Variants in FBXO25 observed in about 807,000 individuals in gnomAD.
FBXO25 encodes F-box protein 25.
A neutral mutation model predicts 51.9 loss-of-function variants in FBXO25; 45 were observed. The observed-to-expected ratio is 0.87, with a 90% CI of 0.68 to 1.11. The LOEUF (loss-of-function observed/expected upper bound fraction) is 1.11, where lower values mean the gene tolerates loss of function less well. Ranked by LOEUF, FBXO25 falls within the 50% of genes most tolerant of loss-of-function variation. The pLI is 0.00. For synonymous variants in FBXO25, 199 were observed against 151.0 expected (o/e 1.32, Z -2.33); for missense variants, 507 against 428.5 (o/e 1.18, Z -1.62).
At chr8:419,602 T>C (rs973743187) in intron 2 of FBXO25, among the ~76,000 whole-genome samples, 4 of 152,106 alleles carry the variant, frequency 2.6e-5, no homozygotes, top group African/African-American at 9.7e-5. Flanking sequence ...GAAAACTAGA[T>C]GTGTATATGC....
chr8:422,406 C>G (rs573707947), intron 2 of FBXO25, among the ~76,000 whole-genome samples: 7 of 152,336 alleles, frequency 4.6e-5, no homozygotes, highest in Non-Finnish European at 7.3e-5. Flanking sequence ...TGAGAGGAGA[C>G]TACAAACTCT....
chr8:429,859 A>G (rs1797711871), intron 2 of FBXO25, among the ~76,000 whole-genome samples: 1 of 152,214 alleles, frequency 6.6e-6, no homozygotes, highest in Non-Finnish European at 1.5e-5. Context: ...TGTGGAATCC[A>G]CAGTGTGGGT....
At chr8:407,642 T>G (rs1324341345) in intron 1 of FBXO25, among the ~76,000 whole-genome samples, 1 of 152,098 alleles carries the variant, frequency 6.6e-6, no homozygotes, top group Non-Finnish European at 1.5e-5. Context: ...TGCCGGCGTT[T>G]GCCCTCCGGG....
intron 2 of FBXO25, among the ~76,000 whole-genome samples, chr8:429,858 C>G (rs1797711576): frequency 6.6e-6 from 1 of 152,228 alleles, no homozygotes; most frequent in Admixed American, 6.5e-5. Context: ...CTGTGGAATC[C>G]ACAGTGTGGG....
chr8:421,878 T>G (rs35838772), intron 2 of FBXO25, among the ~76,000 whole-genome samples: 1 of 151,940 alleles, frequency 6.6e-6, no homozygotes, highest in African/African-American at 2.4e-5. Context: ...TGGAGCAGTT[T>G]GAGCCACAGG....
intron 4 of FBXO25, among the ~76,000 whole-genome samples, chr8:434,630 A>C (rs1797996489): frequency 6.6e-6 from 1 of 152,090 alleles, no homozygotes; most frequent in African/African-American, 2.4e-5. Context: ...ATCTCAAGTC[A>C]CCTGTTTGGA....
chr8:442,375 G>T (rs577018826), intron 5 of FBXO25, among the ~76,000 whole-genome samples: 1 of 151,804 alleles, frequency 6.6e-6, no homozygotes, highest in African/African-American at 2.4e-5. Context: ...TTACATTTTT[G>T]CTGATAGTTG....
At chr8:450,913 C>T (rs145276716) in intron 6 of FBXO25, 1 of 205,874 alleles carries the variant, frequency 4.9e-6, no homozygotes, top group African/African-American at 2.4e-5. Flanking sequence ...ACACTGAGTC[C>T]CCATTCCTCC....
At chr8:466,016 T>G (rs1321633148) in intron 9 of FBXO25, among the ~76,000 whole-genome samples, 1 of 152,158 alleles carries the variant, frequency 6.6e-6, no homozygotes, top group African/African-American at 2.4e-5. Flanking sequence ...TTCTGGGAGG[T>G]TCATGTCTTG....
At chr8:442,348 A>T (rs1798477726) in intron 5 of FBXO25, among the ~76,000 whole-genome samples, 1 of 152,242 alleles carries the variant, frequency 6.6e-6, no homozygotes, top group East Asian at 1.9e-4. Flanking sequence ...AGGAACTATT[A>T]AGATACTCTA....
At chr8:463,725 C>T (rs150354422) in intron 9 of FBXO25, among the ~76,000 whole-genome samples, 35 of 152,360 alleles carry the variant, frequency 2.3e-4, no homozygotes, top group Admixed American at 1.6e-3. Flanking sequence ...CTCATCCCTT[C>T]ATCCAGTTAC....
In FBXO25 at chr8:474,618, C is replaced by T. The variant is rs546913759; in HGVS notation, c.*5814C>T. 1.5e-5 allele frequency: 6 copies of T among 408,344 alleles called. No homozygotes were observed. Among genetic ancestry groups the T allele is most frequent in the African/African-American group, 1.0e-4 (5 of 47,842 alleles). 25.3% of individuals were successfully genotyped at this position (408,344 alleles called of 1,614,324 possible). A position where few individuals can be genotyped will look rare whatever the true frequency, so the allele number is the denominator to read the frequency against. On this transcript the variant is annotated 3_prime_UTR_variant, in exon 10 of 10. Transcript: ENST00000350302. ...CTGCTGAGATTTTGATTTGCATTTC[C>T]GTAATGACTGGTGATGCTGAGTATC...
rs1238409499 is a variant in FBXO25, at chr8:472,303, CTT to C, written c.*3500_*3501del. The C allele has an allele frequency of 6.6e-6, 1 of 152,184 alleles. No individual in the cohort carries two copies. Among genetic ancestry groups the C allele is most frequent in the Non-Finnish European group, 1.5e-5 (1 of 68,032 alleles). 9.4% of individuals were successfully genotyped at this position (152,184 alleles called of 1,614,324 possible). A position where few individuals can be genotyped will look rare whatever the true frequency, so the allele number is the denominator to read the frequency against. The stretch of plus-strand genomic sequence containing the variant: ...TTTGTCAAATGCTTTTTCTGCATCT[CTT>C]AAGATAATGTAGTTTTTGGCCTTCA... On this transcript the variant is annotated 3_prime_UTR_variant, in exon 10 of 10. Coordinates refer to ENST00000350302, the MANE Select transcript of FBXO25 (RefSeq NM_183420.2).
chr8:419,791 GA>G (rs149435364), intron 2 of FBXO25, among the ~76,000 whole-genome samples: 8,823 of 151,668 alleles, frequency 0.058, 281 homozygotes, highest in Middle Eastern at 0.075. Flanking sequence ...TTCCATAAAA[GA>G]AAAAAAATCT....
At chr8:451,088 A>G (rs1485350693) in intron 6 of FBXO25, 181 bp from the exon 7 acceptor site, 2 of 553,672 alleles carry the variant, frequency 3.6e-6, no homozygotes, top group African/African-American at 1.9e-5. Context: ...GGGTTCATCC[A>G]TGCTGAATAT....
intron 5 of FBXO25, among the ~76,000 whole-genome samples, chr8:441,020 C>G (rs543377121): frequency 6.8e-6 from 1 of 148,020 alleles, no homozygotes; most frequent in African/African-American, 2.5e-5. Context: ...CAAGTCTTTG[C>G]TATTGTGAAC....
intron 2 of FBXO25, among the ~76,000 whole-genome samples, chr8:427,492 A>G (rs935673224): frequency 4.6e-5 from 7 of 151,502 alleles, no homozygotes; most frequent in Non-Finnish European, 7.4e-5. Flanking sequence ...TCAATATCAA[A>G]CTGAAGTAAC....
At chr8:462,962 G>A (rs759990840) in intron 8 of FBXO25, 45 bp from the exon 9 acceptor site, 1 of 1,569,518 alleles carries the variant, frequency 6.4e-7, no homozygotes, top group Non-Finnish European at 8.6e-7. Flanking sequence ...ATTATGTTTT[G>A]AAAGTCATCT....
intron 5 of FBXO25, 59 bp downstream of exon 5, chr8:435,766 G>A: frequency 6.4e-7 from 1 of 1,553,160 alleles, no homozygotes; most frequent in Non-Finnish European, 8.7e-7. Context: ...ATATTTTGAA[G>A]ATTGTAAGTG....
Sources: allele counts gnomAD v4.1 joint callset (sites outside exome capture counted in the v4.1 genomes callset), GRCh38; gene constraint gnomAD v4.1.1; transcripts MANE v1.5; gene names NCBI Gene and HGNC (gene_info 2026-07-23, HGNC 2026-07-21).